NEK10: variants seen among roughly 807,000 people sequenced by gnomAD.
NEK10 encodes the protein serine/threonine-protein kinase Nek10.
NEK10 carries 122 observed loss-of-function variants against 159.8 expected under a neutral mutation model. That is an observed-to-expected ratio of 0.76 (90% CI 0.66 to 0.89). The LOEUF (loss-of-function observed/expected upper bound fraction) is 0.89. Ranked by LOEUF, NEK10 falls within the 40% of genes least tolerant of loss-of-function variation. NEK10 has a pLI of 0.00. For missense variants in NEK10, 1,342 were observed against 1,323.1 expected, an observed-to-expected ratio of 1.01 and a Z score of -0.22; for synonymous variants, 466 against 457.1, an observed-to-expected ratio of 1.02 and a Z score of -0.25.
At chr3:27,207,120 T>C (rs1422163977) in intron 23 of NEK10, among the ~76,000 whole-genome samples, 1 of 152,216 alleles carries the variant, frequency 6.6e-6, no homozygotes, top group Non-Finnish European at 1.5e-5. Flanking sequence ...CAAGAGCTAA[T>C]GTTTCCAGGA....
intron 1 of NEK10, among the ~76,000 whole-genome samples, chr3:27,354,232 G>A (rs947060529): frequency 4.6e-5 from 7 of 152,144 alleles, no homozygotes; most frequent in African/African-American, 9.7e-5. Flanking sequence ...AAGCTCACAG[G>A]CTTCTTCTGC....
intron 12 of NEK10, among the ~76,000 whole-genome samples, chr3:27,302,111 T>A (rs1024231909): frequency 3.3e-5 from 5 of 152,214 alleles, no homozygotes. Context: ...TTCCTGGAGT[T>A]GATTCACCTG....
At chr3:27,351,317 C>T (rs1209051412) in intron 3 of NEK10, among the ~76,000 whole-genome samples, 2 of 152,076 alleles carry the variant, frequency 1.3e-5, no homozygotes, top group Non-Finnish European at 2.9e-5. Context: ...ATCTTGTTTG[C>T]CTCTTTAAGA....
At chr3:27,166,621 A>T (rs955978133) in intron 29 of NEK10, among the ~76,000 whole-genome samples, 2 of 152,218 alleles carry the variant, frequency 1.3e-5, no homozygotes, top group African/African-American at 4.8e-5. Flanking sequence ...AGTCACAAAT[A>T]TGAAGCTGAA....
At position 27,229,628 on chromosome 3, in the gene NEK10, G is replaced by C. The variant is rs142165416; in HGVS notation, c.2090+26668C>G. On this transcript the variant is annotated intron_variant, in intron 23 of 35. Transcript: ENST00000691995. ...AACATAAAGAAATTTTTTTAATCTA[G>C]GAAATGAATAAAAAATTTTCCGGAG... Among the ~76,000 whole-genome samples the C allele has an allele frequency of 8.3e-3, 1,268 of 151,994 alleles. 17 individuals carry two copies. Among genetic ancestry groups the C allele is most frequent in the African/African-American group, 0.028 (1,163 of 41,490 alleles).
chr3:27,293,190 T>A (rs2043124583), intron 16 of NEK10, among the ~76,000 whole-genome samples: 1 of 149,472 alleles, frequency 6.7e-6, no homozygotes, highest in African/African-American at 2.5e-5. Flanking sequence ...TCCCTTTGAT[T>A]AAATTCCCTT....
At chr3:27,119,691 G>C in intron 33 of NEK10, 69 bp downstream of exon 33, 1 of 1,197,938 alleles carries the variant, frequency 8.3e-7, no homozygotes, top group Non-Finnish European at 1.2e-6. Context: ...TAATCTTTTA[G>C]AAATAGCTGT....
At chr3:27,240,621 C>G (rs1248694533) in intron 23 of NEK10, among the ~76,000 whole-genome samples, 1 of 151,706 alleles carries the variant, frequency 6.6e-6, no homozygotes, top group Non-Finnish European at 1.5e-5. Context: ...AATATTCTTA[C>G]CTCATTCTGA....
chr3:27,117,627 A>C (rs374457327), intron 33 of NEK10, among the ~76,000 whole-genome samples: 17 of 152,230 alleles, frequency 1.1e-4, no homozygotes, highest in East Asian at 5.8e-4. Flanking sequence ...AAATGTCTTC[A>C]TTTGAGTAGC....
chr3:27,355,453 C>T (rs895720152), intron 1 of NEK10, among the ~76,000 whole-genome samples: 4 of 152,082 alleles, frequency 2.6e-5, no homozygotes, highest in African/African-American at 4.8e-5. Flanking sequence ...ACAAATGCCC[C>T]TAGTGCTCCT....
At chr3:27,292,637 C>T (rs1441229880) in intron 16 of NEK10, among the ~76,000 whole-genome samples, 1 of 151,998 alleles carries the variant, frequency 6.6e-6, no homozygotes, top group East Asian at 1.9e-4. Flanking sequence ...AGTTCAAGAC[C>T]AGCCTGGCCA....
chr3:27,295,707 G>C lies in NEK10; in HGVS notation c.1231-17C>G, dbSNP rs777683874. ...ACCATTTTCCTGAAAGAATAAAGGG[G>C]TCATACTATGAGTGACAACACTGTA... On this transcript the variant is annotated splice_polypyrimidine_tract_variant and intron_variant, in intron 14 of 35. Transcript: ENST00000691995. 3 of 1,555,668 alleles carry C rather than the reference G, an allele frequency of 1.9e-6. No individual in the cohort carries two copies.
At chr3:27,366,643 CTCAGAGCTGTA>C (rs1185764944) in intron 1 of NEK10, among the ~76,000 whole-genome samples, 2 of 152,130 alleles carry the variant, frequency 1.3e-5, no homozygotes, top group African/African-American at 4.8e-5. Context: ...ATGATTGAGA[CTCAGAGCTGTA>C]TCAGAGCTGT....
chr3:27,339,814 T>C (rs2047076262), intron 5 of NEK10, among the ~76,000 whole-genome samples: 1 of 149,356 alleles, frequency 6.7e-6, no homozygotes, highest in Non-Finnish European at 1.5e-5. Flanking sequence ...TGAGATAGCA[T>C]CTCACGCCAG....
At chr3:27,170,529 C>T (rs1946876306) in intron 29 of NEK10, among the ~76,000 whole-genome samples, 1 of 152,154 alleles carries the variant, frequency 6.6e-6, no homozygotes, top group Admixed American at 6.5e-5. Context: ...GTCAGGAGTT[C>T]GATACCAGCC....
intron 22 of NEK10, among the ~76,000 whole-genome samples, chr3:27,262,060 G>A (rs1300634570): frequency 2.0e-5 from 3 of 151,250 alleles, no homozygotes; most frequent in African/African-American, 7.3e-5. Flanking sequence ...CCCTTTTTTT[G>A]TTTTCCATTT....
chr3:27,266,602 T>C (rs1004808288), intron 22 of NEK10, among the ~76,000 whole-genome samples: 1 of 152,338 alleles, frequency 6.6e-6, no homozygotes, highest in South Asian at 2.1e-4. Flanking sequence ...GCACCATCAT[T>C]GACCTAGGTA....
At chr3:27,219,184 G>GA (rs1951850696) in intron 23 of NEK10, among the ~76,000 whole-genome samples, 1 of 152,208 alleles carries the variant, frequency 6.6e-6, no homozygotes, top group African/African-American at 2.4e-5. Context: ...CCATCTCTTT[G>GA]AAATGAAGCC....
Position 27,344,338 on chromosome 3 carries a change from T to G in NEK10, c.296A>C (p.Lys99Thr). ...CTGAAATAGTTTACGCTGAGGATGT[T>G]TGCTGAAATTTCTCTCATTCTTGTA... ...INYKNERNFS[K>T]HPQRKLFQEI... Residue 99 changes from lysine (K) to threonine (T), a missense_variant, in exon 5 of 36, where the codon AAA becomes ACA. Lys to Thr is a moderately conservative substitution (Grantham distance 78). Transcript: ENST00000691995. 5 of 1,593,162 alleles carry G rather than the reference T, an allele frequency of 3.1e-6. No individual in the cohort carries two copies. The highest frequency in any genetic ancestry group is 4.3e-6 in the Non-Finnish European group (5 of 1,165,128).
Sources: allele counts gnomAD v4.1 joint callset (sites outside exome capture counted in the v4.1 genomes callset), GRCh38; gene constraint gnomAD v4.1.1; transcripts MANE v1.5; gene names NCBI Gene and HGNC (gene_info 2026-07-23, HGNC 2026-07-21).